NRG1: variants seen among roughly 807,000 people sequenced by gnomAD.
NRG1 encodes neuregulin 1, also known as pro-neuregulin-1, membrane-bound isoform.
NRG1 carries 18 observed loss-of-function variants against 63.8 expected under a neutral mutation model. The ratio of observed to expected loss-of-function variants is 0.28; its 90% CI spans 0.19 to 0.42. NRG1 has a LOEUF of 0.42. Ranked by LOEUF, NRG1 falls within the 10% of genes least tolerant of loss-of-function variation. The pLI, the probability that NRG1 is intolerant of heterozygous loss-of-function variation, is 1.00. For missense variants in NRG1, 762 were observed against 814.7 expected, an observed-to-expected ratio of 0.94 and a Z score of 0.79; for synonymous variants, 302 against 301.3, an observed-to-expected ratio of 1.00 and a Z score of -0.02.
At chr8:32,151,462 G>A (rs2131828472) in intron 1 of NRG1, among the ~76,000 whole-genome samples, 1 of 152,228 alleles carries the variant, frequency 6.6e-6, no homozygotes, top group South Asian at 2.1e-4. Flanking sequence ...GTGTGAATTG[G>A]GAAAGTGAGT....
At chr8:32,699,001 G>A (rs1814114760) in intron 5 of NRG1, among the ~76,000 whole-genome samples, 1 of 152,006 alleles carries the variant, frequency 6.6e-6, no homozygotes, top group African/African-American at 2.4e-5. Context: ...AAACCTTCCT[G>A]GAAAAAAATT....
At chr8:32,181,193 G>T (rs1358838741) in intron 1 of NRG1, among the ~76,000 whole-genome samples, 3 of 152,128 alleles carry the variant, frequency 2.0e-5, no homozygotes. Context: ...ACAGATGCTT[G>T]GGAGGATCTC....
At chr8:32,342,531 T>A (rs927809110) in intron 1 of NRG1, among the ~76,000 whole-genome samples, 3 of 152,204 alleles carry the variant, frequency 2.0e-5, no homozygotes, top group Admixed American at 6.5e-5. Context: ...TTTTCACAGC[T>A]GATAAGGGAT....
chr8:31,742,817 G>A (rs549860564), intron 1 of NRG1, among the ~76,000 whole-genome samples: 10 of 152,030 alleles, frequency 6.6e-5, no homozygotes, highest in African/African-American at 2.4e-4. Flanking sequence ...AAGAATGGGG[G>A]CTTGCACATG....
At chr8:32,346,656 T>A (rs1804940489) in intron 1 of NRG1, among the ~76,000 whole-genome samples, 1 of 152,148 alleles carries the variant, frequency 6.6e-6, no homozygotes, top group Admixed American at 6.5e-5. Context: ...AATTAAGTGT[T>A]ATATTACATG....
intron 4 of NRG1, among the ~76,000 whole-genome samples, chr8:32,614,918 G>C (rs1480200164): frequency 1.3e-5 from 2 of 152,054 alleles, no homozygotes; most frequent in African/African-American, 4.8e-5. Context: ...TCACCCCTCA[G>C]AGTGTATTCC....
chr8:32,052,890 T>C (rs545806375), intron 1 of NRG1, among the ~76,000 whole-genome samples: 2 of 152,280 alleles, frequency 1.3e-5, no homozygotes, highest in South Asian at 2.1e-4. Context: ...TTATGTTGAA[T>C]GTGGAGAAGG....
intron 1 of NRG1, among the ~76,000 whole-genome samples, chr8:32,012,889 G>A (rs752755356): frequency 1.3e-5 from 2 of 152,002 alleles, no homozygotes; most frequent in African/African-American, 2.4e-5. Flanking sequence ...TTTTTTTTAC[G>A]CATTTTTGTG....
At chr8:32,490,564 G>A (rs1587944723) in intron 1 of NRG1, among the ~76,000 whole-genome samples, 1 of 152,176 alleles carries the variant, frequency 6.6e-6, no homozygotes, top group African/African-American at 2.4e-5. Context: ...CATTCTATTG[G>A]TATCATTGGT....
Position 31,809,321 on chromosome 8 carries a change from T to TC in NRG1, c.37+169891dup, listed in dbSNP as rs201918954. Among the ~76,000 whole-genome samples, 1,044 of 139,102 alleles carry TC rather than the reference T, an allele frequency of 7.5e-3. 47 individuals carry two copies. The South Asian group carries it at 0.13, about 17-fold the overall frequency. The allele number at this position is 139,102 out of a possible 152,430, so 91.3% of individuals were successfully genotyped here. A position where few individuals can be genotyped will look rare whatever the true frequency, so the allele number is the denominator to read the frequency against. The stretch of plus-strand genomic sequence containing the variant: ...ATATCTTTTCCTTCAGTTTTTTTTT[T>TC]CTCTCTCTCTCTCCATATATATATA... On this transcript the variant is annotated intron_variant, in intron 1 of 10. Coordinates refer to the NRG1 transcript ENST00000519301.
chr8:32,373,579 C>A (rs943788323), intron 1 of NRG1, among the ~76,000 whole-genome samples: 3 of 152,028 alleles, frequency 2.0e-5, no homozygotes, highest in African/African-American at 7.3e-5. Context: ...AAATCTAAGA[C>A]CAGCCTGGCC....
At chr8:32,048,446 C>CATACATATATATATAT (rs1821426884) in intron 1 of NRG1, among the ~76,000 whole-genome samples, 1 of 6,712 alleles carries the variant, frequency 1.5e-4, no homozygotes, top group African/African-American at 1.7e-4. Flanking sequence ...TATATACATA[C>CATACATATATATATAT]ATATATATAT....
chr8:32,244,878 T>A (rs1350361588), intron 1 of NRG1, among the ~76,000 whole-genome samples: 2 of 152,212 alleles, frequency 1.3e-5, no homozygotes, highest in African/African-American at 4.8e-5. Context: ...AAAACATTAA[T>A]ATCAAAGATT....
In NRG1 at chr8:32,362,013, T is replaced by A. The variant is rs924373805; in HGVS notation, c.38-233815T>A. ...CTCCAGAGATGATCTCAAGTGTCAC[T>A]TTTGTGGGGATAACTACCCCAGTGA... On this transcript the variant is annotated intron_variant, in intron 1 of 10. Coordinates refer to the NRG1 transcript ENST00000519301. Among the ~76,000 whole-genome samples the A allele has an allele frequency of 2.0e-5, 3 of 152,144 alleles. No individual in the cohort carries two copies. In the South Asian group the frequency reaches 6.2e-4, roughly 32 times the overall value.
chr8:32,375,917 T>C (rs1402705385), intron 1 of NRG1, among the ~76,000 whole-genome samples: 1 of 152,218 alleles, frequency 6.6e-6, no homozygotes, highest in Non-Finnish European at 1.5e-5. Flanking sequence ...GACTTACTCC[T>C]CTCTTCTCTT....
intron 9 of NRG1, among the ~76,000 whole-genome samples, chr8:32,758,500 C>T (rs370598661): frequency 1.2e-4 from 15 of 128,198 alleles, no homozygotes; most frequent in African/African-American, 3.5e-4. Context: ...TTGCTTGAAC[C>T]GGGAGGTGGA....
rs16878672 is a variant in NRG1, at chr8:32,023,802, T to C, written c.37+384371T>C. Among the ~76,000 whole-genome samples, 752 of 149,898 alleles carry C rather than the reference T, an allele frequency of 5.0e-3. 4 individuals are homozygous for C. Among genetic ancestry groups the C allele is most frequent in the African/African-American group, 0.017 (712 of 40,686 alleles). On this transcript the variant is annotated intron_variant, in intron 1 of 10. Transcript: ENST00000519301. ...CAAGCTTCATTTAATTACGATCAAA[T>C]AGGGACTGGCAGAAGAGCGTAGCTG...
At chr8:32,625,774 C>CTTTTTTTTTTTTCTTT in intron 5 of NRG1, among the ~76,000 whole-genome samples, 1 of 128,662 alleles carries the variant, frequency 7.8e-6, no homozygotes, top group Admixed American at 7.9e-5. Context: ...CTTTCCCTCT[C>CTTTTTTTTTTTTCTTT]TTTTTTTTTT....
At chr8:32,232,174 G>A (rs1283503212) in intron 1 of NRG1, among the ~76,000 whole-genome samples, 1 of 152,042 alleles carries the variant, frequency 6.6e-6, no homozygotes, top group Non-Finnish European at 1.5e-5. Context: ...AAAGTGCTGG[G>A]ATTACAGGTG....
Sources: gnomAD v4.1 joint callset for allele counts (sites outside exome capture counted in the v4.1 genomes callset) on GRCh38, gnomAD v4.1.1 for gene constraint, MANE v1.5 for transcripts, NCBI Gene and HGNC (gene_info 2026-07-23, HGNC 2026-07-21) for gene names.